Variants in ADARB2 observed in about 807,000 individuals in gnomAD.
ADARB2 encodes inactive double-stranded RNA-specific editase B2.
ADARB2 carries 25 observed loss-of-function variants against 62.2 expected under a neutral mutation model. The observed-to-expected ratio is 0.40, with a 90% confidence interval of 0.29 to 0.56. The LOEUF (loss-of-function observed/expected upper bound fraction) is 0.56, where lower values mean the gene tolerates loss of function less well. Among genes scored for constraint, ADARB2 ranks in the 20% least tolerant of loss-of-function variants. The probability of loss-of-function intolerance (pLI) is 0.43; values close to 1 mark genes in which losing one functional copy is unlikely to be tolerated. For synonymous variants in ADARB2, 572 were observed against 500.8 expected, an observed-to-expected ratio of 1.14 and a Z score of -1.90; for missense variants, 1,071 against 1,077.4, an observed-to-expected ratio of 0.99 and a Z score of 0.08.
chr10:1,488,070 A>G (rs1009277462), intron 1 of ADARB2, among the ~76,000 whole-genome samples: 1 of 152,236 alleles, frequency 6.6e-6, no homozygotes, highest in African/African-American at 2.4e-5. Context: ...GTTTGCTTTG[A>G]GAAAGCACTC....
chr10:1,577,447 G>GGAAAGAAGC (rs1588309438), intron 1 of ADARB2, among the ~76,000 whole-genome samples: 2 of 152,110 alleles, frequency 1.3e-5, no homozygotes, highest in African/African-American at 2.4e-5. Flanking sequence ...GAAGGTGGAT[G>GGAAAGAAGC]TTGTTTATTG....
intron 1 of ADARB2, among the ~76,000 whole-genome samples, chr10:1,655,809 A>C (rs1834166939): frequency 6.6e-6 from 1 of 152,238 alleles, no homozygotes; most frequent in South Asian, 2.1e-4. Flanking sequence ...GAGTATTTTC[A>C]GTAGCATCTT....
At chr10:1,571,990 T>G (rs1201604363) in intron 1 of ADARB2, among the ~76,000 whole-genome samples, 210 of 134,392 alleles carry the variant, frequency 1.6e-3, no homozygotes, top group African/African-American at 5.7e-3. Context: ...CTGGTGAGTG[T>G]GCAGGTGAGT....
intron 2 of ADARB2, among the ~76,000 whole-genome samples, chr10:1,375,581 C>T (rs60592354): frequency 5.9e-4 from 90 of 152,366 alleles, no homozygotes; most frequent in East Asian, 5.8e-3. Flanking sequence ...AGGTGCAATA[C>T]ACGCCAGGTG....
At chr10:1,573,484 A>C (rs1054461554) in intron 1 of ADARB2, among the ~76,000 whole-genome samples, 3 of 152,166 alleles carry the variant, frequency 2.0e-5, no homozygotes, top group Non-Finnish European at 4.4e-5. Flanking sequence ...ATCAGCAGAG[A>C]GCCAGGCCGG....
At chr10:1,626,252 C>T (rs1833767166) in intron 1 of ADARB2, among the ~76,000 whole-genome samples, 1 of 147,540 alleles carries the variant, frequency 6.8e-6, no homozygotes, top group African/African-American at 2.6e-5. Flanking sequence ...GCTAACCCCA[C>T]ATCTGCCCAT....
At chr10:1,599,863 C>G (rs911606920) in intron 1 of ADARB2, among the ~76,000 whole-genome samples, 10 of 152,170 alleles carry the variant, frequency 6.6e-5, no homozygotes, top group Non-Finnish European at 1.5e-4. Context: ...TCTCCTACCT[C>G]AGCCTCCCAA....
At chr10:1,395,524 G>C (rs1023625925) in intron 1 of ADARB2, among the ~76,000 whole-genome samples, 5 of 152,220 alleles carry the variant, frequency 3.3e-5, no homozygotes, top group Non-Finnish European at 5.9e-5. Flanking sequence ...CCAGGGGGCA[G>C]TGATGGGCCG....
At chr10:1,479,378 G>A (rs1452229761) in intron 1 of ADARB2, among the ~76,000 whole-genome samples, 1 of 152,222 alleles carries the variant, frequency 6.6e-6, no homozygotes, top group African/African-American at 2.4e-5. Context: ...AGGGATAGCA[G>A]ATTCCTTTCA....
rs150825265 is a variant in ADARB2, at chr10:1,341,360, G to A, written c.1077+21668C>T. Among the ~76,000 whole-genome samples, 770 of 123,104 alleles carry A rather than the reference G, an allele frequency of 6.3e-3. 31 individuals are homozygous for A. The highest frequency in any genetic ancestry group is 0.023 in the African/African-American group (717 of 30,580). 80.8% of individuals were successfully genotyped at this position (123,104 alleles called of 152,430 possible). ...AGAGAACAACGTGCCCTGCAACGGC[G>A]ATAATCAGCATCAGCCAGAGAACCA... On this transcript the variant is annotated intron_variant, in intron 3 of 9. Transcript: ENST00000381312.
chr10:1,339,664 A>G (rs1004705231), intron 3 of ADARB2, among the ~76,000 whole-genome samples: 3 of 152,346 alleles, frequency 2.0e-5, no homozygotes, highest in African/African-American at 7.2e-5. Context: ...TTTTCTGGCC[A>G]TGAAAAGCTG....
chr10:1,337,701 A>G lies in ADARB2; in HGVS notation c.1077+25327T>C, dbSNP rs917067413. 3.3e-5 allele frequency among the ~76,000 whole-genome samples: 5 copies of G among 152,212 alleles called. No homozygotes were observed. In the East Asian group the frequency reaches 9.7e-4, roughly 29 times the overall value. ...GATTAGAATAAAATTTCTGATACCC[A>G]TTGTTTCATTTAGCCACTCCAATTA... On this transcript the variant is annotated intron_variant, in intron 3 of 9. Coordinates refer to ENST00000381312, the MANE Select transcript of ADARB2 (RefSeq NM_018702.4).
chr10:1,676,961 G>T (rs1834473760), intron 1 of ADARB2, among the ~76,000 whole-genome samples: 1 of 152,172 alleles, frequency 6.6e-6, no homozygotes. Flanking sequence ...TGTTTTCAGG[G>T]AGACCCTCTA....
chr10:1,186,446 T>C, intron 8 of ADARB2: 1 of 517,592 alleles, frequency 1.9e-6, no homozygotes, highest in Admixed American at 1.9e-5. Context: ...CAAGATCCCT[T>C]GTCCCATTGG....
chr10:1,218,759 C>CATTTAAAAGTGTGTGGT (rs1830655276), intron 6 of ADARB2, among the ~76,000 whole-genome samples: 1 of 151,790 alleles, frequency 6.6e-6, no homozygotes, highest in Non-Finnish European at 1.5e-5. Context: ...AAGTGTGTGG[C>CATTTAAAAGTGTGTGGT]ATCAGCCGGG....
chr10:1,242,062 C>T (rs1830929560), intron 5 of ADARB2, 69 bp downstream of exon 5: 1 of 1,494,978 alleles, frequency 6.7e-7, no homozygotes, highest in Non-Finnish European at 8.9e-7. Flanking sequence ...GGCATGGGGC[C>T]CCATCTGCTC....
At chr10:1,455,002 A>C (rs1831080656) in intron 1 of ADARB2, among the ~76,000 whole-genome samples, 1 of 152,246 alleles carries the variant, frequency 6.6e-6, no homozygotes, top group East Asian at 1.9e-4. Context: ...GTCACGTTGT[A>C]GAAATTTGCT....
intron 3 of ADARB2, chr10:1,361,396 G>A (rs1234833948): frequency 2.0e-5 from 3 of 152,254 alleles, no homozygotes; most frequent in Non-Finnish European, 2.9e-5. Flanking sequence ...CATCCTTGCT[G>A]TCTGCCACCT....
intron 3 of ADARB2, among the ~76,000 whole-genome samples, chr10:1,275,742 T>A (rs1382108476): frequency 1.4e-5 from 2 of 147,240 alleles, no homozygotes; most frequent in African/African-American, 2.5e-5. Flanking sequence ...CACCTATGAG[T>A]GAGAACATGC....
Sources: gnomAD v4.1 joint callset for allele counts (sites outside exome capture counted in the v4.1 genomes callset) on GRCh38, gnomAD v4.1.1 for gene constraint, MANE v1.5 for transcripts, NCBI Gene and HGNC (gene_info 2026-07-23, HGNC 2026-07-21) for gene names.